IMPG2: variants seen among roughly 807,000 people sequenced by gnomAD.
The protein encoded by IMPG2 is IPM 200.
In IMPG2, 91 loss-of-function variants were observed where a neutral mutation model predicts 129.2. The ratio of observed to expected loss-of-function variants is 0.70; its 90% confidence interval spans 0.59 to 0.84. The LOEUF (loss-of-function observed/expected upper bound fraction) is 0.84. Ranked by LOEUF, IMPG2 falls within the 40% of genes least tolerant of loss-of-function variation. IMPG2 has a pLI of 0.00. For missense variants in IMPG2, 1,430 were observed against 1,461.7 expected (o/e 0.98, Z 0.35); for synonymous variants, 510 against 517.7 (o/e 0.99, Z 0.20).
At chr3:101,250,672 GA>G (rs1227255996) in intron 11 of IMPG2, among the ~76,000 whole-genome samples, 2 of 152,182 alleles carry the variant, frequency 1.3e-5, no homozygotes, top group Non-Finnish European at 2.9e-5. Flanking sequence ...ATTCCCAAGT[GA>G]TAAAAGGATT....
At position 101,230,953 on chromosome 3, in the gene IMPG2, T is replaced by C. The variant is rs1706278551; in HGVS notation, c.3422+4A>G. 6.2e-7 allele frequency: 1 copy of C among 1,610,120 alleles called. No homozygotes were observed. The highest frequency in any genetic ancestry group is 8.5e-7 in the Non-Finnish European group (1 of 1,176,612). On this transcript the variant is annotated splice_donor_region_variant and intron_variant, in intron 16 of 18. Coordinates refer to ENST00000193391, the MANE Select transcript of IMPG2 (RefSeq NM_016247.4). ...TCCATTAGAGAGCTCTTTTCCTTAT[T>C]TACCTGAAGGGACTCTCTCTTTCAC...
intron 6 of IMPG2, among the ~76,000 whole-genome samples, chr3:101,274,837 C>T (rs1706823890): frequency 6.6e-6 from 1 of 152,116 alleles, no homozygotes. Flanking sequence ...TTTGCTAGCA[C>T]CATCTACTTG....
rs1295214994 is a variant in IMPG2 at position 101,304,158 on chromosome 3, G to C, written c.489C>G (p.Ser163Arg). Residue 163 changes from serine (S) to arginine (R), a missense_variant, in exon 3 of 19, where the codon AGC (serine) becomes AGG (arginine). Coordinates refer to ENST00000193391, the MANE Select transcript of IMPG2 (RefSeq NM_016247.4). ...TTGTGACACTTACCTTCATGATTAA[G>C]CTTCTATGTTCCACAGATTCACTAA... ...TNFSESVEHR[S>R]LIMKKLTYAK... is the part of the protein sequence containing the mutation. The C allele has an allele frequency of 6.2e-7, 1 of 1,613,686 alleles. No homozygotes were observed. The highest frequency in any genetic ancestry group is 2.2e-5 in the East Asian group (1 of 44,870).
chr3:101,284,291 T>C (rs1035252964), intron 4 of IMPG2, among the ~76,000 whole-genome samples: 3 of 152,214 alleles, frequency 2.0e-5, no homozygotes, highest in Non-Finnish European at 2.9e-5. Context: ...ATGAGTTGTC[T>C]TCCATCTTCT....
intron 7 of IMPG2, among the ~76,000 whole-genome samples, chr3:101,270,477 A>G (rs1413927871): frequency 6.6e-6 from 1 of 152,166 alleles, no homozygotes; most frequent in Non-Finnish European, 1.5e-5. Context: ...AGTCTTTAAA[A>G]TCTAGCCATG....
rs770838621 is a variant in IMPG2, at chr3:101,244,111, A to C, written c.2220T>G (p.Asp740Glu). ...SASTDKSDQA[D>E]AILREDMEQI... ...GTTCCATATCCTCCCTTAGGATGGC[A>C]TCTGCCTGATCTGATTTATCAGTAG... is the stretch of plus-strand genomic sequence containing the variant. The change falls in exon 13 of 19, where the codon GAT becomes GAG. Residue 740 changes from aspartate to glutamate, a missense_variant. By Grantham distance (45) the Asp-to-Glu change is conservative. Transcript: ENST00000193391. 6.2e-7 allele frequency: 1 copy of C among 1,613,968 alleles called. No homozygotes were observed. The highest frequency in any genetic ancestry group is 1.3e-5 in the African/African-American group (1 of 74,950).
intron 2 of IMPG2, among the ~76,000 whole-genome samples, chr3:101,307,035 C>T (rs937952862): frequency 6.6e-6 from 1 of 152,096 alleles, no homozygotes; most frequent in African/African-American, 2.4e-5. Context: ...ATTCCTACAA[C>T]TCCCTAACAA....
chr3:101,256,217 G>GAGAAAGAAAGAAAGAAAGAACGAAC (rs1706606827), intron 10 of IMPG2, among the ~76,000 whole-genome samples: 3 of 138,276 alleles, frequency 2.2e-5, no homozygotes, highest in African/African-American at 8.2e-5. Flanking sequence ...AAGAAAGAAA[G>GAGAAAGAAAGAAAGAAAGAACGAAC]AAAAAAATAT....
chr3:101,281,977 A>G (rs962654856), intron 4 of IMPG2, among the ~76,000 whole-genome samples: 1 of 152,204 alleles, frequency 6.6e-6, no homozygotes, highest in African/African-American at 2.4e-5. Context: ...CTGCAGAACT[A>G]TAAGATAATC....
chr3:101,269,160 T>C (rs1706751534), intron 8 of IMPG2, among the ~76,000 whole-genome samples: 1 of 152,010 alleles, frequency 6.6e-6, no homozygotes, highest in Admixed American at 6.6e-5. Flanking sequence ...GATGTCAAAA[T>C]CACCACACTG....
intron 4 of IMPG2, among the ~76,000 whole-genome samples, chr3:101,289,218 G>A (rs1706979419): frequency 6.6e-6 from 1 of 152,126 alleles, no homozygotes; most frequent in African/African-American, 2.4e-5. Flanking sequence ...ATTCCTGTAA[G>A]GGTATTACTA....
At chr3:101,273,053 T>C (rs1186479405) in intron 7 of IMPG2, among the ~76,000 whole-genome samples, 1 of 152,224 alleles carries the variant, frequency 6.6e-6, no homozygotes, top group Non-Finnish European at 1.5e-5. Flanking sequence ...TAATCCACAA[T>C]TCTTTAAAGA....
intron 2 of IMPG2, among the ~76,000 whole-genome samples, chr3:101,306,085 C>A (rs1196676325): frequency 6.6e-6 from 1 of 152,200 alleles, no homozygotes; most frequent in Non-Finnish European, 1.5e-5. Flanking sequence ...TTCCAGTATA[C>A]TAGTTTGATA....
chr3:101,309,016 T>C (rs1216254968), intron 2 of IMPG2, among the ~76,000 whole-genome samples: 4 of 152,192 alleles, frequency 2.6e-5, no homozygotes, highest in Non-Finnish European at 5.9e-5. Context: ...ACCAGTCTGT[T>C]TGCTAAGACA....
intron 14 of IMPG2, among the ~76,000 whole-genome samples, chr3:101,233,328 A>G (rs1706311246): frequency 6.6e-6 from 1 of 152,012 alleles, no homozygotes; most frequent in Non-Finnish European, 1.5e-5. Flanking sequence ...TTGTAGATCT[A>G]AATTAAATGC....
At chr3:101,288,860 C>T (rs1706974248) in intron 4 of IMPG2, among the ~76,000 whole-genome samples, 1 of 152,172 alleles carries the variant, frequency 6.6e-6, no homozygotes, top group African/African-American at 2.4e-5. Context: ...TCTTCCCTCT[C>T]TCTATGTATG....
chr3:101,297,848 T>C (rs1707096873), intron 3 of IMPG2, among the ~76,000 whole-genome samples: 1 of 152,260 alleles, frequency 6.6e-6, no homozygotes, highest in African/African-American at 2.4e-5. Flanking sequence ...ACAAGTGCCA[T>C]GTGGCACTAA....
intron 10 of IMPG2, among the ~76,000 whole-genome samples, chr3:101,256,193 G>GAAAGAAAGA (rs1706603752): frequency 8.8e-5 from 13 of 148,298 alleles, no homozygotes; most frequent in African/African-American, 3.0e-4. Flanking sequence ...AAGAAAGAAA[G>GAAAGAAAGA]AAAGAAAGAA....
chr3:101,301,972 C>T (rs916893087), intron 3 of IMPG2, among the ~76,000 whole-genome samples: 6 of 152,210 alleles, frequency 3.9e-5, no homozygotes, highest in Admixed American at 3.9e-4. Context: ...CAAGCTTGTT[C>T]AGTTATCCAT....
Sources: allele counts gnomAD v4.1 joint callset (sites outside exome capture counted in the v4.1 genomes callset), GRCh38; gene constraint gnomAD v4.1.1; transcripts MANE v1.5; gene names NCBI Gene and HGNC (gene_info 2026-07-23, HGNC 2026-07-21).